Variants in AKAP6 observed in about 807,000 individuals in gnomAD.
The protein encoded by AKAP6 is A-kinase anchoring protein 6.
A neutral mutation model predicts 188.5 loss-of-function variants in AKAP6; 58 were observed. The observed-to-expected ratio is 0.31, with a 90% CI of 0.25 to 0.38. AKAP6 has a LOEUF of 0.38. AKAP6 is among the 10% of genes least tolerant of loss of function. The pLI is 1.00. For synonymous variants in AKAP6, 989 were observed against 998.6 expected (o/e 0.99, Z 0.18); for missense variants, 2,710 against 2,740.0 (o/e 0.99, Z 0.24).
intron 1 of AKAP6, among the ~76,000 whole-genome samples, chr14:32,409,001 A>C (rs1357823011): frequency 6.6e-6 from 1 of 152,148 alleles, no homozygotes; most frequent in Non-Finnish European, 1.5e-5. Flanking sequence ...GGAGTTTGAT[A>C]CCAGCCTGGC....
intron 12 of AKAP6, among the ~76,000 whole-genome samples, chr14:32,810,685 A>G (rs553151225): frequency 2.0e-5 from 3 of 152,150 alleles, no homozygotes; most frequent in Admixed American, 2.0e-4. Flanking sequence ...AGTCGTTTTT[A>G]TGGAGGGGAC....
chr14:32,382,946 C>T (rs1888415700), intron 1 of AKAP6, among the ~76,000 whole-genome samples: 1 of 152,062 alleles, frequency 6.6e-6, no homozygotes, highest in African/African-American at 2.4e-5. Flanking sequence ...CAGCCTTACC[C>T]TCTGGACACT....
intron 7 of AKAP6, among the ~76,000 whole-genome samples, chr14:32,615,803 C>T (rs1886553063): frequency 1.3e-5 from 2 of 151,974 alleles, no homozygotes; most frequent in Non-Finnish European, 2.9e-5. Context: ...ACCATATTAG[C>T]CAGGATGGTC....
At chr14:32,597,973 G>T (rs1015113852) in intron 5 of AKAP6, among the ~76,000 whole-genome samples, 1 of 152,126 alleles carries the variant, frequency 6.6e-6, no homozygotes, top group Non-Finnish European at 1.5e-5. Flanking sequence ...GATGACTCAG[G>T]CTACACTTCA....
At chr14:32,462,537 G>T (rs1891365478) in intron 2 of AKAP6, among the ~76,000 whole-genome samples, 1 of 152,128 alleles carries the variant, frequency 6.6e-6, no homozygotes, top group Admixed American at 6.5e-5. Context: ...GAGGGATTTT[G>T]TCACCACAAG....
Position 32,454,678 on chromosome 14 carries a change from T to TCCCA in AKAP6, c.324+20864_324+20865insACCC, listed in dbSNP as rs1467119793. ...CTCTCTCCTTCCCTCCTTCCCTCCT[T>TCCCA]CCCTCCTTCCCTCCCTCCCTCCCTC... On this transcript the variant is annotated intron_variant, in intron 2 of 13. Transcript: ENST00000280979. Among the ~76,000 whole-genome samples, 25 of 39,258 alleles carry TCCCA rather than the reference T, an allele frequency of 6.4e-4. No individual in the cohort carries two copies. The African/African-American group carries it at 0.012, about 19-fold the overall frequency. The allele number at this position is 39,258 out of a possible 152,430, so 25.8% of individuals were successfully genotyped here.
chr14:32,404,712 T>TATATATATATATATATATATATA (rs1491351629), intron 1 of AKAP6, among the ~76,000 whole-genome samples: 259 of 10,468 alleles, frequency 0.025, 20 homozygotes, highest in Non-Finnish European at 0.056. Context: ...ATATATATAT[T>TATATATATATATATATATATATA]AGTCAGAATG....
intron 7 of AKAP6, chr14:32,617,030 A>C (rs984726995): frequency 3.3e-5 from 5 of 152,224 alleles, no homozygotes; most frequent in Non-Finnish European, 7.3e-5. Flanking sequence ...TAGTACTAAA[A>C]CTAGCCTCTG....
At chr14:32,398,994 C>T (rs748695647) in intron 1 of AKAP6, among the ~76,000 whole-genome samples, 1 of 151,272 alleles carries the variant, frequency 6.6e-6, no homozygotes, top group Non-Finnish European at 1.5e-5. Context: ...TAGCTGGGAC[C>T]AGGCATGCCA....
At position 32,829,962 on chromosome 14, in the gene AKAP6, C is replaced by T. The variant is rs1157566059; in HGVS notation, c.*157C>T. Reference sequence around the variant, plus strand: ...ATTGACTTCTCCCAAGATGAATCTTCCTTCCAAATGTGTTTTCTCCACACA... The same window carrying T: ...ATTGACTTCTCCCAAGATGAATCTTTCTTCCAAATGTGTTTTCTCCACACA... On this transcript the variant is annotated 3_prime_UTR_variant, in exon 14 of 14. Coordinates refer to ENST00000280979, the MANE Select transcript of AKAP6 (RefSeq NM_004274.5). The T allele has an allele frequency of 1.4e-5, 10 of 702,568 alleles. No homozygotes were observed. Among genetic ancestry groups the T allele is most frequent in the Non-Finnish European group, 2.6e-6 (1 of 384,766 alleles). The allele number at this position is 702,568 out of a possible 1,614,324, so 43.5% of individuals were successfully genotyped here.
At chr14:32,711,736 T>G (rs1004238276) in intron 9 of AKAP6, among the ~76,000 whole-genome samples, 1 of 152,002 alleles carries the variant, frequency 6.6e-6, no homozygotes, top group Non-Finnish European at 1.5e-5. Context: ...GATCCCCCTT[T>G]GAGCTTTCTT....
intron 2 of AKAP6, among the ~76,000 whole-genome samples, chr14:32,497,004 T>G (rs1446364459): frequency 6.6e-6 from 1 of 152,178 alleles, no homozygotes; most frequent in Non-Finnish European, 1.5e-5. Flanking sequence ...AACTTATGTT[T>G]CTGCCAAGTG....
At chr14:32,770,472 A>G (rs1467302604) in intron 11 of AKAP6, among the ~76,000 whole-genome samples, 4 of 152,188 alleles carry the variant, frequency 2.6e-5, no homozygotes, top group African/African-American at 9.6e-5. Context: ...ATCTCATTAG[A>G]TATCAAGGAA....
chr14:32,660,798 G>A (rs1280383416), intron 7 of AKAP6, among the ~76,000 whole-genome samples: 1 of 151,978 alleles, frequency 6.6e-6, no homozygotes, highest in Non-Finnish European at 1.5e-5. Flanking sequence ...GAGGGAAGTG[G>A]AGTATTTAAC....
intron 1 of AKAP6, among the ~76,000 whole-genome samples, chr14:32,330,695 T>C (rs1457430447): frequency 6.7e-6 from 1 of 149,852 alleles, no homozygotes; most frequent in African/African-American, 2.5e-5. Context: ...AAGCAATACC[T>C]TTAGCTAGCT....
At chr14:32,567,778 A>G (rs1016532432) in intron 4 of AKAP6, among the ~76,000 whole-genome samples, 2 of 152,186 alleles carry the variant, frequency 1.3e-5, no homozygotes, top group African/African-American at 4.8e-5. Flanking sequence ...GAATAAAACA[A>G]CATTTTCAGG....
At chr14:32,716,128 A>G (rs2030184950) in intron 9 of AKAP6, among the ~76,000 whole-genome samples, 1 of 151,990 alleles carries the variant, frequency 6.6e-6, no homozygotes. Flanking sequence ...GATTCCAGGC[A>G]TATATTTAAT....
chr14:32,334,876 T>C (rs1389997208), intron 1 of AKAP6, among the ~76,000 whole-genome samples: 3 of 152,228 alleles, frequency 2.0e-5, no homozygotes, highest in Non-Finnish European at 4.4e-5. Context: ...TGCTCCAAAC[T>C]CTTCCAGCCA....
chr14:32,593,085 G>C (rs576063513), intron 5 of AKAP6, among the ~76,000 whole-genome samples: 5 of 149,142 alleles, frequency 3.4e-5, no homozygotes, highest in African/African-American at 1.2e-4. Context: ...GTGAGGGCAG[G>C]GACCATGTCT....
Sources: allele counts gnomAD v4.1 joint callset (sites outside exome capture counted in the v4.1 genomes callset), GRCh38; gene constraint gnomAD v4.1.1; transcripts MANE v1.5; gene names NCBI Gene and HGNC (gene_info 2026-07-23, HGNC 2026-07-21).